TMTC2: variants seen among roughly 807,000 people sequenced by gnomAD.
TMTC2 encodes protein O-mannosyl-transferase TMTC2.
A neutral mutation model predicts 82.4 loss-of-function variants in TMTC2; 43 were observed. That is an observed-to-expected ratio of 0.52 (90% CI 0.41 to 0.67). The LOEUF is 0.67. Ranked by LOEUF, TMTC2 falls within the 30% of genes least tolerant of loss-of-function variation. The pLI, the probability that TMTC2 is intolerant of heterozygous loss-of-function variation, is 0.00. For missense variants in TMTC2, 919 were observed against 1,012.4 expected (o/e 0.91, Z 1.25); for synonymous variants, 408 against 381.9 (o/e 1.07, Z -0.80).
chr12:82,806,715 AT>A (rs763994933), intron 1 of TMTC2, among the ~76,000 whole-genome samples: 4 of 151,776 alleles, frequency 2.6e-5, no homozygotes, highest in East Asian at 1.9e-4. Flanking sequence ...AGAGAAAAAA[AT>A]ATATTCATTG....
intron 1 of TMTC2, among the ~76,000 whole-genome samples, chr12:82,808,265 A>G (rs1198388356): frequency 6.6e-6 from 1 of 151,996 alleles, no homozygotes; most frequent in Admixed American, 6.5e-5. Context: ...AAAAAGAAAT[A>G]TGGTGATATA....
chr12:82,867,947 G>T (rs1871951842), intron 2 of TMTC2, among the ~76,000 whole-genome samples: 1 of 152,178 alleles, frequency 6.6e-6, no homozygotes. Context: ...ATCGGGGAAA[G>T]GCCATTGGAC....
At chr12:82,862,949 T>C (rs1871624872) in intron 2 of TMTC2, among the ~76,000 whole-genome samples, 1 of 152,240 alleles carries the variant, frequency 6.6e-6, no homozygotes, top group Non-Finnish European at 1.5e-5. Flanking sequence ...GTATTGAATG[T>C]AGTGTTTCTG....
chr12:82,955,924 T>A (rs1220578413), intron 4 of TMTC2, among the ~76,000 whole-genome samples: 1 of 151,336 alleles, frequency 6.6e-6, no homozygotes, highest in Non-Finnish European at 1.5e-5. Context: ...ACTGGAAATA[T>A]TTTTTTTTCA....
intron 1 of TMTC2, among the ~76,000 whole-genome samples, chr12:82,757,730 A>G (rs1876415325): frequency 6.6e-6 from 1 of 152,230 alleles, no homozygotes; most frequent in East Asian, 1.9e-4. Context: ...TTCTGTGAAT[A>G]TCTCAAAACC....
chr12:82,896,251 C>A lies in TMTC2; in HGVS notation c.1088C>A (p.Ser363Ter). ...CTTTCAGATGTGGAGTACCAGAACTCAGAGACTAAGTCCAGCTTTGCATCC... is the reference window on the plus strand; with the variant it reads ...CTTTCAGATGTGGAGTACCAGAACTAAGAGACTAAGTCCAGCTTTGCATCC... Reference protein sequence around the residue: ...SCLSDVEYQNSETKSSFASKV... With the variant: ...SCLSDVEYQN The change falls in exon 3 of 12, where the codon TCA becomes TAA. Residue 363 changes from serine to a stop codon, truncating the protein, a stop_gained. Coordinates refer to ENST00000321196, the MANE Select transcript of TMTC2 (RefSeq NM_152588.3). LOFTEE classifies it high-confidence loss of function. 1 of 1,614,078 alleles carries A rather than the reference C, an allele frequency of 6.2e-7. No homozygotes were observed. The highest frequency in any genetic ancestry group is 8.5e-7 in the Non-Finnish European group (1 of 1,180,012).
At chr12:82,719,083 A>AT (rs1480822241) in intron 1 of TMTC2, among the ~76,000 whole-genome samples, 1,612 of 53,692 alleles carry the variant, frequency 0.03, 37 homozygotes, top group South Asian at 0.054. Context: ...ATATATATAT[A>AT]TATTTTTTTT....
At chr12:82,734,595 A>G (rs1197308377) in intron 1 of TMTC2, among the ~76,000 whole-genome samples, 1 of 152,152 alleles carries the variant, frequency 6.6e-6, no homozygotes, top group Non-Finnish European at 1.5e-5. Context: ...TAATCATAGG[A>G]GTAATACCAG....
intron 8 of TMTC2, among the ~76,000 whole-genome samples, chr12:82,996,311 A>G (rs1592681740): frequency 6.6e-6 from 1 of 152,166 alleles, no homozygotes; most frequent in East Asian, 1.9e-4. Flanking sequence ...GGTGAAGGGC[A>G]TGGGAGACCT....
intron 11 of TMTC2, among the ~76,000 whole-genome samples, chr12:83,073,328 G>T (rs1445784577): frequency 2.0e-5 from 3 of 152,160 alleles, no homozygotes; most frequent in Non-Finnish European, 4.4e-5. Flanking sequence ...AGCTTATAGG[G>T]TTTCTGCTCA....
intron 11 of TMTC2, among the ~76,000 whole-genome samples, chr12:83,099,615 T>C (rs1213445457): frequency 1.3e-5 from 2 of 152,198 alleles, no homozygotes; most frequent in Non-Finnish European, 2.9e-5. Flanking sequence ...AGGATGTTTA[T>C]GTCTCCTGAG....
chr12:82,725,081 TG>T (rs1313060340), intron 1 of TMTC2, among the ~76,000 whole-genome samples: 1 of 152,122 alleles, frequency 6.6e-6, no homozygotes, highest in Non-Finnish European at 1.5e-5. Flanking sequence ...ATTATAAATT[TG>T]ATTTTGATTA....
rs146811724 is a variant in TMTC2, at chr12:82,978,643, G to A, written c.1949-7282G>A. Among the ~76,000 whole-genome samples the A allele has an allele frequency of 2.2e-4, 33 of 151,744 alleles. No individual in the cohort carries two copies. The East Asian group carries it at 3.7e-3, about 17-fold the overall frequency. ...TTCTTGAAAATGATCCATGTGCTGC[G>A]GTGAAAAATGTGTATTCTGCAGCCA... On this transcript the variant is annotated intron_variant, in intron 7 of 11. Coordinates refer to ENST00000321196, the MANE Select transcript of TMTC2 (RefSeq NM_152588.3).
At chr12:82,862,376 T>A (rs1404514412) in intron 2 of TMTC2, among the ~76,000 whole-genome samples, 1 of 152,170 alleles carries the variant, frequency 6.6e-6, no homozygotes, top group African/African-American at 2.4e-5. Flanking sequence ...AACATCTCTT[T>A]CCCCTTTATT....
In TMTC2 at chr12:83,050,903, G is replaced by A; in HGVS notation, c.2153-1G>A. 6.2e-7 allele frequency: 1 copy of A among 1,608,792 alleles called. No individual in the cohort carries two copies. Among genetic ancestry groups the A allele is most frequent in the Non-Finnish European group, 8.5e-7 (1 of 1,176,962 alleles). ...AGCTCACTGGTTTTTATACTTTTCA[G>A]GTCAGTTTCTTCTGGAAGAAGCTCG... On this transcript the variant is annotated splice_acceptor_variant, in intron 9 of 11. Coordinates refer to ENST00000321196, the MANE Select transcript of TMTC2 (RefSeq NM_152588.3). LOFTEE classifies it high-confidence loss of function.
intron 11 of TMTC2, among the ~76,000 whole-genome samples, chr12:83,072,504 A>G (rs1883152763): frequency 6.6e-6 from 1 of 152,092 alleles, no homozygotes; most frequent in South Asian, 2.1e-4. Context: ...TGTTCTGTAT[A>G]TATCTGTTAA....
chr12:82,993,594 CA>C (rs1301378430), intron 8 of TMTC2, among the ~76,000 whole-genome samples: 1 of 152,082 alleles, frequency 6.6e-6, no homozygotes, highest in Non-Finnish European at 1.5e-5. Flanking sequence ...AATTTATGCA[CA>C]CAAACACAGG....
intron 4 of TMTC2, among the ~76,000 whole-genome samples, chr12:82,957,277 G>A (rs115662879): frequency 0.032 from 4,934 of 152,188 alleles, 95 homozygotes; most frequent in South Asian, 0.052. Flanking sequence ...ACTTGCTCCT[G>A]AATGACTTTT....
intron 1 of TMTC2, among the ~76,000 whole-genome samples, chr12:82,692,429 C>T (rs1338634922): frequency 6.6e-6 from 1 of 152,160 alleles, no homozygotes. Context: ...TGCTGCTCAG[C>T]ACACTAAAAG....
Sources: gnomAD v4.1 joint callset for allele counts (sites outside exome capture counted in the v4.1 genomes callset) on GRCh38, gnomAD v4.1.1 for gene constraint, MANE v1.5 for transcripts, NCBI Gene and HGNC (gene_info 2026-07-23, HGNC 2026-07-21) for gene names.